Variants in TMTC1 observed in about 807,000 individuals in gnomAD.
The protein encoded by TMTC1 is transmembrane O-mannosyltransferase targeting cadherins 1, also known as protein O-mannosyl-transferase TMTC1.
A neutral mutation model predicts 104.8 loss-of-function variants in TMTC1; 73 were observed. The ratio of observed to expected loss-of-function variants is 0.70; its 90% CI spans 0.58 to 0.85. The LOEUF is 0.85. Ranked by LOEUF, TMTC1 falls within the 40% of genes least tolerant of loss-of-function variation. TMTC1 has a pLI of 0.00. For missense variants in TMTC1, 1,035 were observed against 1,096.1 expected, an observed-to-expected ratio of 0.94 and a Z score of 0.79; for synonymous variants, 434 against 428.7, an observed-to-expected ratio of 1.01 and a Z score of -0.15.
intron 5 of TMTC1, among the ~76,000 whole-genome samples, chr12:29,716,483 T>C (rs979592891): frequency 3.9e-5 from 6 of 152,192 alleles, no homozygotes; most frequent in African/African-American, 1.4e-4. Context: ...ACATTAATAC[T>C]GTTTTAATAA....
At chr12:29,658,946 A>C (rs1285653339) in intron 5 of TMTC1, 1 of 152,260 alleles carries the variant, frequency 6.6e-6, no homozygotes, top group Non-Finnish European at 1.5e-5. Flanking sequence ...CATCACAGCA[A>C]ATAAAATAGT....
At chr12:29,780,928 C>T (rs918100434) in intron 1 of TMTC1, among the ~76,000 whole-genome samples, 12 of 152,184 alleles carry the variant, frequency 7.9e-5, no homozygotes, top group Non-Finnish European at 1.3e-4. Flanking sequence ...ATGGTTTGCA[C>T]ATATTTAAAG....
intron 10 of TMTC1, among the ~76,000 whole-genome samples, chr12:29,537,198 T>G (rs1025414533): frequency 3.9e-5 from 6 of 152,222 alleles, no homozygotes; most frequent in Admixed American, 1.3e-4. Flanking sequence ...GAGAATCCTT[T>G]GCACTATACC....
At chr12:29,748,650 T>C (rs186538645) in intron 5 of TMTC1, among the ~76,000 whole-genome samples, 1 of 152,318 alleles carries the variant, frequency 6.6e-6, no homozygotes, top group East Asian at 1.9e-4. Flanking sequence ...AGTGGTTGGA[T>C]AGAATAACAC....
At chr12:29,618,202 T>C (rs1166187581) in intron 6 of TMTC1, among the ~76,000 whole-genome samples, 1 of 152,138 alleles carries the variant, frequency 6.6e-6, no homozygotes, top group African/African-American at 2.4e-5. Context: ...CCCCAAATTT[T>C]GGCTCAGGCA....
intron 6 of TMTC1, among the ~76,000 whole-genome samples, chr12:29,623,388 C>T (rs1308578906): frequency 6.6e-6 from 1 of 152,144 alleles, no homozygotes; most frequent in African/African-American, 2.4e-5. Flanking sequence ...AGAGTATGCT[C>T]CCACCTCCAC....
chr12:29,716,765 C>T (rs1942094052), intron 5 of TMTC1, among the ~76,000 whole-genome samples: 1 of 152,140 alleles, frequency 6.6e-6, no homozygotes, highest in African/African-American at 2.4e-5. Flanking sequence ...CCTGTAATCC[C>T]AGCACTTTGG....
rs138153760 is a variant in TMTC1, at chr12:29,692,133, C to G, written c.939-58797G>C. Among the ~76,000 whole-genome samples, 1,143 of 145,326 alleles carry G rather than the reference C, an allele frequency of 7.9e-3. 127 individuals are homozygous for G. Among genetic ancestry groups the G allele is most frequent in the Non-Finnish European group, 0.013 (830 of 66,220 alleles). On this transcript the variant is annotated intron_variant, in intron 5 of 17. Transcript: ENST00000539277. ...TTCAGTGTGCTTGTGTCTTTATTCCCCACTGATAACATTACAAGAATATGC... is the reference window on the plus strand; with the variant it reads ...TTCAGTGTGCTTGTGTCTTTATTCCGCACTGATAACATTACAAGAATATGC...
At chr12:29,771,149 A>G (rs1413581839) in intron 1 of TMTC1, among the ~76,000 whole-genome samples, 1 of 152,206 alleles carries the variant, frequency 6.6e-6, no homozygotes, top group East Asian at 1.9e-4. Flanking sequence ...GAAACTATAC[A>G]GTGTATACTT....
In TMTC1 at chr12:29,518,405, C is replaced by T. The variant is rs867414917; in HGVS notation, c.2024+67G>A. 6 of 1,566,422 alleles carry T rather than the reference C, an allele frequency of 3.8e-6. No homozygotes were observed. The Middle Eastern group carries it at 7.9e-4, about 207-fold the overall frequency. ...CTGAGAGCACACCTATTCTGATTAA[C>T]TAAGAAGCTGATGAGTGATTGCTGA... On this transcript the variant is annotated intron_variant, in intron 13 of 17. Transcript: ENST00000539277.
intron 5 of TMTC1, chr12:29,661,419 A>ATTTTTTTTT: frequency 5.4e-6 from 2 of 370,844 alleles, no homozygotes; most frequent in Non-Finnish European, 3.5e-6. Context: ...AGGTTAAGTA[A>ATTTTTTTTT]TTTTTTTTTT....
chr12:29,689,882 T>A (rs142880248), intron 5 of TMTC1, among the ~76,000 whole-genome samples: 21 of 152,314 alleles, frequency 1.4e-4, no homozygotes, highest in African/African-American at 4.8e-4. Context: ...GCTGCTTAAA[T>A]CTTCACGTCT....
intron 11 of TMTC1, among the ~76,000 whole-genome samples, chr12:29,530,521 G>A (rs888106922): frequency 2.0e-5 from 3 of 152,166 alleles, no homozygotes; most frequent in African/African-American, 7.2e-5. Context: ...ACCTCAAAGT[G>A]CACATGGGAT....
At position 29,546,845 on chromosome 12, in the gene TMTC1, G is replaced by T. The variant is rs189747596; in HGVS notation, c.1676+10012C>A. On this transcript the variant is annotated intron_variant, in intron 10 of 17. Transcript: ENST00000539277. ...TTTGAAGCTGTTGTGTGCTATGATC[G>T]CACCTGTGAATAGCCACTGAACTCC... 3.9e-5 allele frequency among the ~76,000 whole-genome samples: 6 copies of T among 152,214 alleles called. No homozygotes were observed. In the East Asian group the frequency reaches 7.7e-4, roughly 20 times the overall value.
chr12:29,654,603 G>GT (rs1939668063), intron 5 of TMTC1, among the ~76,000 whole-genome samples: 1 of 151,868 alleles, frequency 6.6e-6, no homozygotes, highest in Non-Finnish European at 1.5e-5. Context: ...CCACTCCTAG[G>GT]TACATACTCA....
chr12:29,671,903 G>T (rs1295614868), intron 5 of TMTC1, among the ~76,000 whole-genome samples: 4 of 152,192 alleles, frequency 2.6e-5, no homozygotes, highest in Non-Finnish European at 4.4e-5. Context: ...GGGCCAAGGG[G>T]AGAGGTGCCC....
intron 6 of TMTC1, among the ~76,000 whole-genome samples, chr12:29,627,749 T>A (rs962249202): frequency 6.7e-6 from 1 of 149,592 alleles, no homozygotes; most frequent in African/African-American, 2.5e-5. Flanking sequence ...AATGAATAAA[T>A]GGATAAGCAA....
chr12:29,509,617 C>T (rs1943779382), intron 17 of TMTC1, among the ~76,000 whole-genome samples: 1 of 152,178 alleles, frequency 6.6e-6, no homozygotes, highest in African/African-American at 2.4e-5. Context: ...ATCAAAATGA[C>T]CACATCTGAG....
intron 10 of TMTC1, among the ~76,000 whole-genome samples, chr12:29,546,917 T>C (rs903565260): frequency 6.6e-6 from 1 of 151,980 alleles, no homozygotes; most frequent in Non-Finnish European, 1.5e-5. Context: ...AAAAAATTCC[T>C]CTTTCACCTT....
Sources: allele counts gnomAD v4.1 joint callset (sites outside exome capture counted in the v4.1 genomes callset), GRCh38; gene constraint gnomAD v4.1.1; transcripts MANE v1.5; gene names NCBI Gene and HGNC (gene_info 2026-07-23, HGNC 2026-07-21).